Variants in MPP7 observed in about 807,000 individuals in gnomAD.
MPP7 encodes the protein MAGUK p55 subfamily member 7.
Under a neutral mutation model 76.5 loss-of-function variants are expected in MPP7, and 60 were observed. The ratio of observed to expected loss-of-function variants is 0.78; its 90% confidence interval spans 0.64 to 0.97. The LOEUF (loss-of-function observed/expected upper bound fraction) is 0.97, where lower values mean the gene tolerates loss of function less well. Among genes scored for constraint, MPP7 ranks in the 50% least tolerant of loss-of-function variants. MPP7 has a pLI of 0.00. For missense variants in MPP7, 641 were observed against 694.0 expected, an observed-to-expected ratio of 0.92 and a Z score of 0.86; for synonymous variants, 237 against 244.5, an observed-to-expected ratio of 0.97 and a Z score of 0.29.
intron 1 of MPP7, among the ~76,000 whole-genome samples, chr10:28,270,319 A>T (rs746894070): frequency 3.3e-5 from 5 of 152,158 alleles, no homozygotes; most frequent in Non-Finnish European, 4.4e-5. Flanking sequence ...TGACATGGTT[A>T]TAATCACAAT....
At chr10:28,131,523 T>C (rs751613266) in intron 6 of MPP7, 37 bp downstream of exon 6, 1 of 1,516,494 alleles carries the variant, frequency 6.6e-7, no homozygotes, top group South Asian at 1.2e-5. Context: ...TTTGGCCCTA[T>C]CATGGTATCT....
intron 12 of MPP7, among the ~76,000 whole-genome samples, chr10:28,074,502 T>C (rs1852396253): frequency 1.3e-5 from 2 of 152,278 alleles, no homozygotes; most frequent in Non-Finnish European, 2.9e-5. Context: ...TTCGCAATGT[T>C]GGCCAGCTGG....
In MPP7 at chr10:28,120,243, C is replaced by T. The variant is rs912035836; in HGVS notation, c.838G>A (p.Asp280Asn). 6 of 1,613,900 alleles carry T rather than the reference C, an allele frequency of 3.7e-6. No homozygotes were observed. In the African/African-American group the frequency reaches 6.7e-5, roughly 18 times the overall value. Residue 280 changes from aspartate (D) to asparagine (N), a missense_variant, in exon 10 of 17, where the codon GAT becomes AAT. Coordinates refer to ENST00000683449, the MANE Select transcript of MPP7 (RefSeq NM_001318170.2). The stretch of plus-strand genomic sequence containing the variant: ...ATCAAGCCTGCCCTGGGGTTGGCAT[C>T]AGCTTCGTGTTTCGCTTGCCACCAA... The part of the protein sequence containing the change: ...ATWWQAKHEA[D>N]ANPRAGLIPS...
At chr10:28,206,156 C>T (rs1257392098) in intron 2 of MPP7, among the ~76,000 whole-genome samples, 1 of 152,144 alleles carries the variant, frequency 6.6e-6, no homozygotes, top group African/African-American at 2.4e-5. Context: ...TCTTTAAAGG[C>T]AAAGTTCCTA....
intron 1 of MPP7, chr10:28,255,019 G>A (rs1005712258): frequency 1.3e-5 from 2 of 152,204 alleles, no homozygotes; most frequent in Non-Finnish European, 2.9e-5. Flanking sequence ...TTATAAAATG[G>A]AAACTAGAAG....
In MPP7 at chr10:28,194,266, G is replaced by A. The variant is rs149589597; in HGVS notation, c.156+7887C>T. Among the ~76,000 whole-genome samples the A allele has an allele frequency of 2.0e-3, 303 of 151,858 alleles. 2 individuals are homozygous for A. Among genetic ancestry groups the A allele is most frequent in the African/African-American group, 6.1e-3 (252 of 41,414 alleles). ...CCAGACCTGGTGATCCACCCGCCTC[G>A]GCCTCCCAAAGTGCTGGGATTACAG... On this transcript the variant is annotated intron_variant, in intron 3 of 16. Transcript: ENST00000683449.
chr10:28,270,702 T>C (rs1019254974), intron 1 of MPP7, among the ~76,000 whole-genome samples: 1 of 152,204 alleles, frequency 6.6e-6, no homozygotes, highest in African/African-American at 2.4e-5. Context: ...AAAATATTTA[T>C]CATTAAAAAT....
intron 11 of MPP7, among the ~76,000 whole-genome samples, chr10:28,094,455 A>G (rs1816635157): frequency 6.6e-6 from 1 of 152,194 alleles, no homozygotes; most frequent in Admixed American, 6.5e-5. Context: ...TAGCTGCCTC[A>G]CAAGGTGGTT....
intron 2 of MPP7, among the ~76,000 whole-genome samples, chr10:28,216,314 T>G (rs1838308945): frequency 6.6e-6 from 1 of 152,100 alleles, no homozygotes; most frequent in South Asian, 2.1e-4. Context: ...ACACCTTGTC[T>G]CAAAAAATTA....
upstream of MPP7, among the ~76,000 whole-genome samples, chr10:28,334,728 C>A (rs1406398869): frequency 6.6e-6 from 1 of 152,098 alleles, no homozygotes; most frequent in Non-Finnish European, 1.5e-5. Flanking sequence ...ACAGTTAAGA[C>A]CCTGGTGATG....
chr10:28,202,299 G>T, intron 2 of MPP7, 28 bp from the exon 3 acceptor site: 1 of 1,511,746 alleles, frequency 6.6e-7, no homozygotes, highest in Non-Finnish European at 9.2e-7. Context: ...AACACAAAGT[G>T]TAATCTTAGA....
intron 3 of MPP7, among the ~76,000 whole-genome samples, chr10:28,153,062 T>C (rs1024799604): frequency 6.6e-5 from 10 of 152,108 alleles, no homozygotes; most frequent in Non-Finnish European, 1.5e-4. Context: ...AAGACCAGCC[T>C]GGCCAACATG....
intron 11 of MPP7, among the ~76,000 whole-genome samples, chr10:28,098,067 ATAAAT>A (rs1853650849): frequency 6.6e-6 from 1 of 152,186 alleles, no homozygotes; most frequent in South Asian, 2.1e-4. Flanking sequence ...GCTTACATAC[ATAAAT>A]TAAGAATCAT....
intron 4 of MPP7, among the ~76,000 whole-genome samples, chr10:28,149,424 TTAAC>T (rs1273427884): frequency 1.3e-5 from 2 of 152,232 alleles, no homozygotes; most frequent in Non-Finnish European, 2.9e-5. Context: ...CTACAGGAAA[TTAAC>T]TACTCCATCA....
chr10:28,254,805 G>C (rs923707924), intron 1 of MPP7: 2 of 152,072 alleles, frequency 1.3e-5, no homozygotes, highest in Non-Finnish European at 2.9e-5. Context: ...AAATCAAGTC[G>C]GCCTGCCCAA....
intron 12 of MPP7, among the ~76,000 whole-genome samples, chr10:28,080,142 A>AGAAG: frequency 6.6e-6 from 1 of 152,092 alleles, no homozygotes; most frequent in East Asian, 1.9e-4. Context: ...AGAAAAGAAA[A>AGAAG]GAAGGAAGGA....
chr10:28,111,865 T>C (rs1201667461), intron 11 of MPP7, among the ~76,000 whole-genome samples: 2 of 152,132 alleles, frequency 1.3e-5, no homozygotes, highest in African/African-American at 4.8e-5. Context: ...AATCTAACTA[T>C]GAGTCAAGGT....
At chr10:28,105,086 G>A (rs554297513) in intron 11 of MPP7, among the ~76,000 whole-genome samples, 5 of 147,206 alleles carry the variant, frequency 3.4e-5, no homozygotes, top group South Asian at 2.2e-4. Flanking sequence ...CCAGGGAGTT[G>A]GAGGTTGCAG....
At chr10:28,079,769 T>C (rs1272610092) in intron 12 of MPP7, among the ~76,000 whole-genome samples, 2 of 152,200 alleles carry the variant, frequency 1.3e-5, no homozygotes, top group African/African-American at 2.4e-5. Flanking sequence ...CAGCAATATG[T>C]ATTACTATTG....
Sources: allele counts gnomAD v4.1 joint callset (sites outside exome capture counted in the v4.1 genomes callset), GRCh38; gene constraint gnomAD v4.1.1; transcripts MANE v1.5; gene names NCBI Gene and HGNC (gene_info 2026-07-23, HGNC 2026-07-21).